Variants in EIF4ENIF1 observed in about 807,000 individuals in gnomAD.
EIF4ENIF1 encodes the protein eukaryotic translation initiation factor 4E transporter.
A neutral mutation model predicts 110.5 loss-of-function variants in EIF4ENIF1; 23 were observed. The ratio of observed to expected loss-of-function variants is 0.21; its 90% CI spans 0.15 to 0.29. EIF4ENIF1 has a LOEUF of 0.29. EIF4ENIF1 is among the 10% of genes least tolerant of loss of function. EIF4ENIF1 has a pLI of 1.00. For missense variants in EIF4ENIF1, 1,031 were observed against 1,221.1 expected (o/e 0.84, Z 2.32); for synonymous variants, 440 against 437.0 (o/e 1.01, Z -0.09).
chr22:31,488,835 C>T (rs1334481366), intron 1 of EIF4ENIF1, 90 bp from the exon 2 acceptor site: 64 of 1,417,716 alleles, frequency 4.5e-5, no homozygotes, highest in Admixed American at 1.1e-4. Flanking sequence ...ACTTTTTAAT[C>T]TCTCAAAACA....
At position 31,444,562 on chromosome 22, in the gene EIF4ENIF1, GGGAGAAGCC is replaced by G. The variant is rs745639616; in HGVS notation, c.2073+35_2073+43del. The G allele has an allele frequency of 2.5e-6, 4 of 1,585,118 alleles. No homozygotes were observed. The East Asian group carries it at 9.0e-5, about 35-fold the overall frequency. Reference sequence around the variant, plus strand: ...GGTACAATCCATGCACAACCAAACAGGGAGAAGCCTTAAAGTCCTTCACAGTTACTAAAG... The same window carrying G: ...GGTACAATCCATGCACAACCAAACAGTTAAAGTCCTTCACAGTTACTAAAG... On this transcript the variant is annotated intron_variant, in intron 15 of 18. Coordinates refer to ENST00000330125, the MANE Select transcript of EIF4ENIF1 (RefSeq NM_019843.4).
At chr22:31,470,227 A>C (rs977452228) in intron 3 of EIF4ENIF1, among the ~76,000 whole-genome samples, 5 of 132,608 alleles carry the variant, frequency 3.8e-5, no homozygotes, top group Non-Finnish European at 6.3e-5. Flanking sequence ...TTCAAGTATC[A>C]AGTATCACCT....
intron 13 of EIF4ENIF1, 101 bp from the exon 14 acceptor site, chr22:31,447,666 G>A (rs1360184371): frequency 7.4e-7 from 1 of 1,345,476 alleles, no homozygotes; most frequent in Non-Finnish European, 1.0e-6. Flanking sequence ...AGCAGAAGCT[G>A]AAAAAAATTA....
At chr22:31,438,323 C>G (rs1047958109), downstream of EIF4ENIF1, among the ~76,000 whole-genome samples, 1 of 152,076 alleles carries the variant, frequency 6.6e-6, no homozygotes, top group African/African-American at 2.4e-5. Context: ...AATCTTTATC[C>G]GTAAGTGCTA....
chr22:31,467,343 C>T (rs1355586706), intron 4 of EIF4ENIF1, among the ~76,000 whole-genome samples: 2 of 152,144 alleles, frequency 1.3e-5, no homozygotes, highest in Admixed American at 1.3e-4. Context: ...GTCGTCCTCT[C>T]ATCTCAAAAA....
At chr22:31,455,367 A>G in intron 8 of EIF4ENIF1, 52 bp from the exon 9 acceptor site, 1 of 1,336,782 alleles carries the variant, frequency 7.5e-7, no homozygotes, top group African/African-American at 1.5e-5. Context: ...GTAAAGAAAC[A>G]TGCCTTCGAC....
intron 14 of EIF4ENIF1, among the ~76,000 whole-genome samples, chr22:31,445,928 T>C (rs1304002248): frequency 1.3e-5 from 2 of 150,558 alleles, no homozygotes; most frequent in African/African-American, 4.9e-5. Flanking sequence ...CTGTTTTCTG[T>C]ATCTGTAAAA....
At chr22:31,463,458 C>T (rs1486508203) in intron 5 of EIF4ENIF1, among the ~76,000 whole-genome samples, 1 of 152,006 alleles carries the variant, frequency 6.6e-6, no homozygotes, top group Non-Finnish European at 1.5e-5. Context: ...GCAGGCCGAT[C>T]ACCTAAGGTT....
chr22:31,467,842 G>A (rs142610897), intron 4 of EIF4ENIF1, among the ~76,000 whole-genome samples: 15 of 151,708 alleles, frequency 9.9e-5, no homozygotes, highest in African/African-American at 2.7e-4. Context: ...AATTTATACC[G>A]GAGGACTGGT....
Position 31,439,551 on chromosome 22 carries a change from CATAAGGGTCT to C in EIF4ENIF1, c.*319_*328del. 1 of 321,726 alleles carries C rather than the reference CATAAGGGTCT, an allele frequency of 3.1e-6. No homozygotes were observed. Among genetic ancestry groups the C allele is most frequent in the Middle Eastern group, 1.0e-3 (1 of 970 alleles). The allele number at this position is 321,726 out of a possible 1,614,324, so 19.9% of individuals were successfully genotyped here. On this transcript the variant is annotated 3_prime_UTR_variant, in exon 19 of 19. Transcript: ENST00000330125. ...AAAGTTGTTTATACACAGGTCTGTA[CATAAGGGTCT>C]ATACATTTATTTCCTCAGAACCCTT...
chr22:31,488,823 A>T, intron 1 of EIF4ENIF1, 78 bp from the exon 2 acceptor site: 1 of 1,470,568 alleles, frequency 6.8e-7, no homozygotes, highest in Non-Finnish European at 9.0e-7. Context: ...TCAGAAGCTG[A>T]AACTTTTTAA....
chr22:31,476,076 T>C (rs2051561004), intron 2 of EIF4ENIF1, among the ~76,000 whole-genome samples: 1 of 152,086 alleles, frequency 6.6e-6, no homozygotes, highest in African/African-American at 2.4e-5. Flanking sequence ...GGAAGGACCT[T>C]GCAATATAGG....
chr22:31,481,888 G>T (rs1294220819), intron 2 of EIF4ENIF1, among the ~76,000 whole-genome samples: 4 of 152,072 alleles, frequency 2.6e-5, no homozygotes, highest in African/African-American at 9.7e-5. Flanking sequence ...GTCCACATGG[G>T]GCCAGATGCA....
intron 6 of EIF4ENIF1, chr22:31,461,591 C>G (rs541788333): frequency 6.6e-6 from 1 of 152,320 alleles, no homozygotes; most frequent in East Asian, 1.9e-4. Flanking sequence ...CGTCAACACA[C>G]CCAGCTAATT....
chr22:31,467,480 C>G, intron 4 of EIF4ENIF1, among the ~76,000 whole-genome samples: 1 of 152,174 alleles, frequency 6.6e-6, no homozygotes, highest in East Asian at 1.9e-4. Context: ...ACTTCAGTCT[C>G]AAACCGTATC....
At chr22:31,475,024 A>G (rs2051522694) in intron 2 of EIF4ENIF1, among the ~76,000 whole-genome samples, 1 of 152,206 alleles carries the variant, frequency 6.6e-6, no homozygotes, top group Non-Finnish European at 1.5e-5. Flanking sequence ...CATACCATGA[A>G]TTCTCTAGTG....
In EIF4ENIF1 at chr22:31,464,719, TA is replaced by T. The variant is rs1569088890; in HGVS notation, c.299-753del. 6.7e-4 allele frequency among the ~76,000 whole-genome samples: 65 copies of T among 96,746 alleles called. 3 individuals carry two copies. The highest frequency in any genetic ancestry group is 6.0e-3 in the Middle Eastern group (1 of 166). The allele number at this position is 96,746 out of a possible 152,430, so 63.5% of individuals were successfully genotyped here. A position where few individuals can be genotyped will look rare whatever the true frequency, so the allele number is the denominator to read the frequency against. ...AAAAAAATATATATATATATATATA[TA>T]TATATAAACAGATATATACAAAAAT... On this transcript the variant is annotated intron_variant, in intron 4 of 18. Transcript: ENST00000330125.
Position 31,463,566 on chromosome 22 carries a change from C to G in EIF4ENIF1, c.585+115G>C, listed in dbSNP as rs907295044. The G allele has an allele frequency of 1.2e-4, 126 of 1,072,940 alleles. 1 individual carries two copies. The highest frequency in any genetic ancestry group is 1.6e-4 in the Non-Finnish European group (121 of 768,346). 66.5% of individuals were successfully genotyped at this position (1,072,940 alleles called of 1,614,324 possible). A position where few individuals can be genotyped will look rare whatever the true frequency, so the allele number is the denominator to read the frequency against. On this transcript the variant is annotated intron_variant, in intron 5 of 18. Coordinates refer to ENST00000330125, the MANE Select transcript of EIF4ENIF1 (RefSeq NM_019843.4). ...GTATGGTGGTGCGTGCCTATAATCC[C>G]AGATACTGGGCTGAGGCAGCAGTGA...
At chr22:31,487,263 T>G (rs2052067899) in intron 2 of EIF4ENIF1, among the ~76,000 whole-genome samples, 1 of 152,214 alleles carries the variant, frequency 6.6e-6, no homozygotes, top group Non-Finnish European at 1.5e-5. Context: ...TCAACTTACA[T>G]GCTGTCATAC....
Sources: gnomAD v4.1 joint callset for allele counts (sites outside exome capture counted in the v4.1 genomes callset) on GRCh38, gnomAD v4.1.1 for gene constraint, MANE v1.5 for transcripts, NCBI Gene and HGNC (gene_info 2026-07-23, HGNC 2026-07-21) for gene names.